GPC5: variants seen among roughly 807,000 people sequenced by gnomAD.
GPC5 encodes the protein glypican-5.
In GPC5, 47 loss-of-function variants were observed where a neutral mutation model predicts 53.9. The observed-to-expected ratio is 0.87, with a 90% CI of 0.69 to 1.11. The LOEUF (loss-of-function observed/expected upper bound fraction) is 1.11, where lower values mean the gene tolerates loss of function less well. Among genes scored for constraint, GPC5 ranks in the 50% most tolerant of loss-of-function variants. The probability of loss-of-function intolerance (pLI) is 0.00; values close to 1 mark genes in which losing one functional copy is unlikely to be tolerated. For missense variants in GPC5, 748 were observed against 713.1 expected (o/e 1.05, Z -0.56); for synonymous variants, 286 against 263.3 (o/e 1.09, Z -0.84).
At chr13:92,849,457 T>C (rs1328754813) in intron 7 of GPC5, among the ~76,000 whole-genome samples, 1 of 152,218 alleles carries the variant, frequency 6.6e-6, no homozygotes, top group African/African-American at 2.4e-5. Context: ...CTGCACAATA[T>C]TCTTAGATAT....
chr13:92,544,679 TTAG>T (rs1297328301), intron 7 of GPC5, among the ~76,000 whole-genome samples: 1 of 152,118 alleles, frequency 6.6e-6, no homozygotes, highest in Non-Finnish European at 1.5e-5. Flanking sequence ...TTTTGTTGTA[TTAG>T]TAGTGAAACA....
intron 7 of GPC5, among the ~76,000 whole-genome samples, chr13:92,832,679 C>T (rs973961560): frequency 5.3e-4 from 81 of 152,210 alleles, no homozygotes; most frequent in African/African-American, 1.9e-3. Flanking sequence ...CCAAATTTCC[C>T]ATGGCTTGGA....
intron 7 of GPC5, among the ~76,000 whole-genome samples, chr13:92,431,855 G>A (rs745490502): frequency 6.6e-6 from 1 of 152,156 alleles, no homozygotes; most frequent in Non-Finnish European, 1.5e-5. Context: ...TGGCTGATGA[G>A]GCGAGAGTTG....
At chr13:91,897,164 T>C (rs1480978463) in intron 5 of GPC5, among the ~76,000 whole-genome samples, 2 of 152,162 alleles carry the variant, frequency 1.3e-5, no homozygotes, top group African/African-American at 4.8e-5. Context: ...AGAGACAAGA[T>C]TGAAACTGTG....
At chr13:92,010,651 C>T (rs1333553993) in intron 6 of GPC5, among the ~76,000 whole-genome samples, 1 of 152,128 alleles carries the variant, frequency 6.6e-6, no homozygotes, top group Non-Finnish European at 1.5e-5. Flanking sequence ...GAGGAAGATA[C>T]ATCACAGCCC....
chr13:92,666,835 A>C (rs542914315), intron 7 of GPC5, among the ~76,000 whole-genome samples: 1 of 152,344 alleles, frequency 6.6e-6, no homozygotes, highest in South Asian at 2.1e-4. Flanking sequence ...GATTAGTGTA[A>C]TTCAATGGTT....
At chr13:92,824,197 A>C (rs1877768975) in intron 7 of GPC5, among the ~76,000 whole-genome samples, 1 of 152,010 alleles carries the variant, frequency 6.6e-6, no homozygotes. Context: ...ACCAGTCTAC[A>C]CACTGCCCTC....
intron 3 of GPC5, among the ~76,000 whole-genome samples, chr13:91,713,560 A>G (rs2036273564): frequency 6.6e-6 from 1 of 152,152 alleles, no homozygotes; most frequent in Non-Finnish European, 1.5e-5. Context: ...CCCTTGTCAC[A>G]TCAGCCTGGT....
intron 7 of GPC5, among the ~76,000 whole-genome samples, chr13:92,492,082 C>T: frequency 6.6e-6 from 1 of 152,076 alleles, no homozygotes; most frequent in East Asian, 1.9e-4. Context: ...ACCTCAAAAC[C>T]TTTCATTTTA....
chr13:92,704,424 T>C (rs1887871582), intron 7 of GPC5, among the ~76,000 whole-genome samples: 1 of 151,974 alleles, frequency 6.6e-6, no homozygotes, highest in Non-Finnish European at 1.5e-5. Context: ...AAAAGGAAAA[T>C]TATGTTTATT....
intron 6 of GPC5, among the ~76,000 whole-genome samples, chr13:91,917,397 C>A (rs952415206): frequency 1.3e-5 from 2 of 152,218 alleles, no homozygotes; most frequent in Non-Finnish European, 2.9e-5. Flanking sequence ...CCCCCCACCC[C>A]CTTCCCAGCT....
chr13:92,093,912 G>A (rs1451821073), intron 6 of GPC5, among the ~76,000 whole-genome samples: 1 of 152,084 alleles, frequency 6.6e-6, no homozygotes, highest in African/African-American at 2.4e-5. Flanking sequence ...ATGAGTCAAA[G>A]CTTTTTTCTC....
chr13:92,266,555 C>T (rs1212534752), intron 7 of GPC5, among the ~76,000 whole-genome samples: 2 of 152,062 alleles, frequency 1.3e-5, no homozygotes, highest in Non-Finnish European at 2.9e-5. Flanking sequence ...GTTCCCTAGC[C>T]AGTCTATTTG....
At chr13:91,771,636 G>A (rs562918401) in intron 5 of GPC5, among the ~76,000 whole-genome samples, 1 of 152,242 alleles carries the variant, frequency 6.6e-6, no homozygotes, top group Admixed American at 6.5e-5. Flanking sequence ...GAAGAAGAGG[G>A]TTAAAGGACA....
At chr13:92,674,529 AT>A (rs1181655597) in intron 7 of GPC5, among the ~76,000 whole-genome samples, 3 of 151,006 alleles carry the variant, frequency 2.0e-5, no homozygotes, top group Non-Finnish European at 3.0e-5. Context: ...AAATCCATGA[AT>A]TCTTGCTTCA....
Position 92,838,615 on chromosome 13 carries a change from A to G in GPC5, c.1562-27667A>G, listed in dbSNP as rs1228960381. Among the ~76,000 whole-genome samples, 7 of 152,268 alleles carry G rather than the reference A, an allele frequency of 4.6e-5. No individual in the cohort carries two copies. The East Asian group carries it at 1.4e-3, about 29-fold the overall frequency. ...ATACATGAAAAGATTGGAACAGATGACCAAAATCCAAGATCTAAATGGACC... is the reference window on the plus strand; with the variant it reads ...ATACATGAAAAGATTGGAACAGATGGCCAAAATCCAAGATCTAAATGGACC... On this transcript the variant is annotated intron_variant, in intron 7 of 7. Transcript: ENST00000377067.
intron 7 of GPC5, among the ~76,000 whole-genome samples, chr13:92,573,655 G>C (rs975068234): frequency 6.6e-6 from 1 of 152,102 alleles, no homozygotes; most frequent in Non-Finnish European, 1.5e-5. Flanking sequence ...GCTTCCGCTG[G>C]TTCAGGCGGT....
At chr13:92,703,039 C>A (rs1004998300) in intron 7 of GPC5, among the ~76,000 whole-genome samples, 1 of 143,494 alleles carries the variant, frequency 7.0e-6, no homozygotes, top group Non-Finnish European at 1.5e-5. Context: ...ATCCCTATAC[C>A]TGGCATATAT....
chr13:91,626,929 T>C (rs2034018974), intron 2 of GPC5, among the ~76,000 whole-genome samples: 1 of 150,626 alleles, frequency 6.6e-6, no homozygotes, highest in African/African-American at 2.5e-5. Context: ...GTTTGGTTTT[T>C]TGTCCTTGCG....
Sources: gnomAD v4.1 joint callset for allele counts (sites outside exome capture counted in the v4.1 genomes callset) on GRCh38, gnomAD v4.1.1 for gene constraint, MANE v1.5 for transcripts, NCBI Gene and HGNC (gene_info 2026-07-23, HGNC 2026-07-21) for gene names.